The following ARHGEF10 variants were observed in gnomAD, a reference collection of about 807,000 sequenced individuals.
The protein encoded by ARHGEF10 is Rho guanine nucleotide exchange factor 10, also known as Rho guanine nucleotide exchange factor (GEF) 10.
In ARHGEF10, 140 loss-of-function variants were observed where a neutral mutation model predicts 147.4. The observed-to-expected ratio is 0.95, with a 90% confidence interval of 0.83 to 1.09. The LOEUF is 1.09. Among genes scored for constraint, ARHGEF10 ranks in the 50% least tolerant of loss-of-function variants. The pLI is 0.00. For synonymous variants in ARHGEF10, 902 were observed against 695.8 expected, an observed-to-expected ratio of 1.30 and a Z score of -4.67; for missense variants, 2,222 against 1,752.7, an observed-to-expected ratio of 1.27 and a Z score of -4.78.
intron 1 of ARHGEF10, among the ~76,000 whole-genome samples, chr8:1,842,692 G>A (rs1372953720): frequency 6.6e-6 from 1 of 152,246 alleles, no homozygotes; most frequent in African/African-American, 2.4e-5. Flanking sequence ...CGGGAGCCAG[G>A]CCCGTGTTTT....
intron 1 of ARHGEF10, among the ~76,000 whole-genome samples, chr8:1,835,388 A>C (rs1803519258): frequency 6.6e-6 from 1 of 152,036 alleles, no homozygotes; most frequent in African/African-American, 2.4e-5. Context: ...AGGCAGGTCA[A>C]GGGCCTGTGT....
chr8:1,883,830 T>C (rs1291252304), intron 10 of ARHGEF10, among the ~76,000 whole-genome samples: 4 of 152,128 alleles, frequency 2.6e-5, no homozygotes, highest in Non-Finnish European at 5.9e-5. Flanking sequence ...AGTTGGGATT[T>C]GGGGCCACAT....
intron 27 of ARHGEF10, among the ~76,000 whole-genome samples, chr8:1,946,845 G>A (rs565498996): frequency 1.1e-4 from 17 of 152,316 alleles, no homozygotes; most frequent in Non-Finnish European, 1.9e-4. Flanking sequence ...TGTCCCCGCC[G>A]CACTCCCACT....
At chr8:1,855,016 C>G (rs1047157646) in intron 2 of ARHGEF10, among the ~76,000 whole-genome samples, 2 of 152,126 alleles carry the variant, frequency 1.3e-5, no homozygotes, top group African/African-American at 4.8e-5. Context: ...GCCTCGGTGT[C>G]TCCTCAGGGC....
intron 28 of ARHGEF10, among the ~76,000 whole-genome samples, chr8:1,955,395 C>CTG (rs1444757821): frequency 1.6e-4 from 19 of 117,490 alleles, no homozygotes; most frequent in East Asian, 1.2e-3. Context: ...TGTACTCTCA[C>CTG]TGTTTCTCTG....
chr8:1,896,800 T>TGGGATCGGGGAGA (rs1485765621), intron 14 of ARHGEF10, among the ~76,000 whole-genome samples: 1 of 152,176 alleles, frequency 6.6e-6, no homozygotes, highest in Admixed American at 6.5e-5. Context: ...CAGGCCTCTT[T>TGGGATCGGGGAGA]GGGATCGGGG....
At chr8:1,893,715 C>A in intron 12 of ARHGEF10, 69 bp downstream of exon 12, 1 of 1,240,676 alleles carries the variant, frequency 8.1e-7, no homozygotes, top group Non-Finnish European at 1.2e-6. Flanking sequence ...ACATTTTGAT[C>A]CATAAATGCA....
At chr8:1,895,526 TA>T (rs569761802) in intron 13 of ARHGEF10, among the ~76,000 whole-genome samples, 1 of 152,106 alleles carries the variant, frequency 6.6e-6, no homozygotes, top group Non-Finnish European at 1.5e-5. Context: ...TATGGATCCT[TA>T]AAAAAAGAGA....
intron 28 of ARHGEF10, among the ~76,000 whole-genome samples, chr8:1,953,470 G>T (rs1439960719): frequency 6.6e-6 from 1 of 152,272 alleles, no homozygotes; most frequent in Non-Finnish European, 1.5e-5. Flanking sequence ...GCTCAGGCTG[G>T]AACACATGGC....
At chr8:1,834,043 C>T (rs911523133) in intron 1 of ARHGEF10, among the ~76,000 whole-genome samples, 11 of 152,186 alleles carry the variant, frequency 7.2e-5, no homozygotes, top group Non-Finnish European at 1.5e-5. Context: ...GGGCTGCCTG[C>T]TGCGACTGCA....
chr8:1,868,225 A>G (rs1412654357), intron 6 of ARHGEF10, among the ~76,000 whole-genome samples: 1 of 152,160 alleles, frequency 6.6e-6, no homozygotes, highest in African/African-American at 2.4e-5. Flanking sequence ...ATTTTCCTGA[A>G]TTTTTATTTC....
chr8:1,945,492 G>T lies in ARHGEF10; in HGVS notation c.3234G>T (p.Glu1078Asp). Residue 1078 changes from glutamate (E) to aspartate (D), a missense_variant, in exon 27 of 29, where the codon GAG becomes GAT. Coordinates refer to ENST00000349830, the MANE Select transcript of ARHGEF10 (RefSeq NM_014629.4). Reference sequence around the variant, plus strand: ...TCTCGATTTCACAGGGTCAGCTGGAGGCCCACCAGGAGGAAGGCATGGTGA... The same window carrying T: ...TCTCGATTTCACAGGGTCAGCTGGATGCCCACCAGGAGGAAGGCATGGTGA... ...VETHAVEGQL[E>D]AHQEEGMVIS... 1 of 1,603,336 alleles carries T rather than the reference G, an allele frequency of 6.2e-7. No homozygotes were observed. Among genetic ancestry groups the T allele is most frequent in the South Asian group, 1.1e-5 (1 of 89,582 alleles).
At chr8:1,836,880 T>G (rs1392541089) in intron 1 of ARHGEF10, among the ~76,000 whole-genome samples, 1 of 152,166 alleles carries the variant, frequency 6.6e-6, no homozygotes, top group Admixed American at 6.5e-5. Context: ...CTGATGGGTT[T>G]ATCAGGGGTT....
At chr8:1,864,245 C>A in intron 4 of ARHGEF10, 128 bp from the exon 5 acceptor site, 1 of 906,814 alleles carries the variant, frequency 1.1e-6, no homozygotes, top group Non-Finnish European at 1.8e-6. Flanking sequence ...GTTTATTAAT[C>A]ACCCTTATGC....
At chr8:1,952,386 T>C (rs1815127777) in intron 27 of ARHGEF10, among the ~76,000 whole-genome samples, 2 of 152,144 alleles carry the variant, frequency 1.3e-5, no homozygotes, top group Admixed American at 1.3e-4. Flanking sequence ...AGCAAAAGGT[T>C]TAGACAGATT....
At chr8:1,939,937 A>T (rs1813945057) in intron 26 of ARHGEF10, among the ~76,000 whole-genome samples, 1 of 152,186 alleles carries the variant, frequency 6.6e-6, no homozygotes, top group African/African-American at 2.4e-5. Context: ...TTTGCAGCAG[A>T]CGGTGCTGAG....
intron 15 of ARHGEF10, 68 bp downstream of exon 15, chr8:1,898,593 G>T: frequency 1.3e-6 from 2 of 1,482,190 alleles, no homozygotes; most frequent in Non-Finnish European, 1.9e-6. Context: ...TGAAAATGGC[G>T]TCTGTTCCTC....
intron 1 of ARHGEF10, among the ~76,000 whole-genome samples, chr8:1,837,325 G>A (rs967029265): frequency 1.3e-5 from 2 of 152,242 alleles, no homozygotes; most frequent in African/African-American, 4.8e-5. Context: ...GCAGGCAGAC[G>A]CCATGGTCGG....
Position 1,928,636 on chromosome 8 carries a change from G to C in ARHGEF10, c.2907G>C (p.Gly969=), listed in dbSNP as rs552585721. ...CTGATGTCCCCACGATCTGTGTAGG[G>C]ACGGAGGAGGGAAGGTAGGGCATGC... ...RASDVPTICV[G]TEEGSISIYK... is the part of the protein sequence containing the mutation. Residue 969 remains glycine, a synonymous_variant, in exon 24 of 29, where the codon GGG becomes GGC. Transcript: ENST00000349830. 6.2e-7 allele frequency: 1 copy of C among 1,614,186 alleles called. No individual in the cohort carries two copies. The highest frequency in any genetic ancestry group is 1.1e-5 in the South Asian group (1 of 91,086).
Sources: allele counts gnomAD v4.1 joint callset (sites outside exome capture counted in the v4.1 genomes callset), GRCh38; gene constraint gnomAD v4.1.1; transcripts MANE v1.5; gene names NCBI Gene and HGNC (gene_info 2026-07-23, HGNC 2026-07-21).